IGFL2: variants seen among roughly 807,000 people sequenced by gnomAD.
The protein encoded by IGFL2 is IGF like family member 2.
Under a neutral mutation model 13.9 loss-of-function variants are expected in IGFL2, and 7 were observed. The observed-to-expected ratio is 0.51, with a 90% CI of 0.29 to 0.95. The LOEUF is 0.95. IGFL2 is among the 40% of genes least tolerant of loss of function. IGFL2 has a pLI of 0.08. For missense variants in IGFL2, 138 were observed against 147.8 expected (o/e 0.93, Z 0.34); for synonymous variants, 55 against 55.8 (o/e 0.99, Z 0.07).
At chr19:46,180,873 A>G in the IGFL2 span, among the ~76,000 whole-genome samples, 1 of 152,176 alleles carries the variant, frequency 6.6e-6, no homozygotes, top group East Asian at 1.9e-4. Flanking sequence ...CGACTCAGCA[A>G]GTTGACTCAT....
chr19:46,151,994 A>C lies in IGFL2; in HGVS notation c.19+3697A>C, dbSNP rs183896623. ...CACCTGAACAATATTAAGTCTTCCA[A>C]TTTGCGAACATGGATGTATTTCCAT... On this transcript the variant is annotated intron_variant, in intron 1 of 3. Transcript: ENST00000377693. 1.2e-4 allele frequency among the ~76,000 whole-genome samples: 19 copies of C among 152,306 alleles called. No individual in the cohort carries two copies. The East Asian group carries it at 3.7e-3, about 29-fold the overall frequency.
At chr19:46,142,468 T>A (rs977521253), upstream of IGFL2, among the ~76,000 whole-genome samples, 2 of 152,172 alleles carry the variant, frequency 1.3e-5, no homozygotes, top group African/African-American at 4.8e-5. Context: ...CTGGTGAGTA[T>A]GGGTATCTGA....
chr19:46,108,295 A>G, the IGFL2 span, among the ~76,000 whole-genome samples: 2 of 152,188 alleles, frequency 1.3e-5, no homozygotes, highest in Non-Finnish European at 2.9e-5. Context: ...ACCGAGGTGT[A>G]AAAGAATGCC....
At chr19:46,083,650 AAGG>A in the IGFL2 span, among the ~76,000 whole-genome samples, 12 of 152,192 alleles carry the variant, frequency 7.9e-5, no homozygotes, top group Non-Finnish European at 1.8e-4. Flanking sequence ...TATAGACTGA[AAGG>A]AGAGAGAGAC....
At chr19:46,148,067 T>G (rs1280151676), upstream of IGFL2, among the ~76,000 whole-genome samples, 1 of 152,196 alleles carries the variant, frequency 6.6e-6, no homozygotes, top group Non-Finnish European at 1.5e-5. Flanking sequence ...AAGGTAGCAG[T>G]CACTTGGAAC....
the IGFL2 span, among the ~76,000 whole-genome samples, chr19:46,095,029 C>T: frequency 2.0e-5 from 3 of 152,014 alleles, no homozygotes; most frequent in African/African-American, 4.8e-5. Flanking sequence ...ATTTATATTC[C>T]TTTGTGTATA....
chr19:46,124,023 G>A, the IGFL2 span: 1 of 1,611,542 alleles, frequency 6.2e-7, no homozygotes, highest in Non-Finnish European at 8.5e-7. Flanking sequence ...AGGTGCAGGT[G>A]GAGCCACAGC....
At chr19:46,149,907 G>A (rs1336572894) in intron 1 of IGFL2, among the ~76,000 whole-genome samples, 1 of 152,188 alleles carries the variant, frequency 6.6e-6, no homozygotes, top group East Asian at 1.9e-4. Flanking sequence ...GAGTGGAATT[G>A]CTACGCCACA....
At chr19:46,184,244 A>G in the IGFL2 span, among the ~76,000 whole-genome samples, 4 of 149,246 alleles carry the variant, frequency 2.7e-5, no homozygotes, top group East Asian at 4.0e-4. Flanking sequence ...CTTTCTTTCA[A>G]TGTCACTGCT....
the IGFL2 span, among the ~76,000 whole-genome samples, chr19:46,187,430 A>G: frequency 6.7e-3 from 533 of 79,382 alleles, 2 homozygotes; most frequent in Middle Eastern, 0.024. Context: ...TAAACCTGAG[A>G]TTGTGCTGCT....
chr19:46,101,564 C>G, the IGFL2 span, among the ~76,000 whole-genome samples: 5 of 152,250 alleles, frequency 3.3e-5, no homozygotes, highest in Non-Finnish European at 1.5e-5. Flanking sequence ...CATCCAATCT[C>G]CCTGGCACCA....
At chr19:46,124,417 A>C in the IGFL2 span, 4 of 1,377,264 alleles carry the variant, frequency 2.9e-6, no homozygotes, top group Non-Finnish European at 4.1e-6. Context: ...GGGTGGTTTA[A>C]AGGTGGAGAT....
chr19:46,139,271 T>A (rs1387373228), upstream of IGFL2, among the ~76,000 whole-genome samples: 1 of 150,592 alleles, frequency 6.6e-6, no homozygotes, highest in Non-Finnish European at 1.5e-5. Context: ...TGATGGTCAG[T>A]CCCTTGGTGG....
Position 46,160,449 on chromosome 19 carries a change from G to A in IGFL2, c.54G>A (p.Leu18=). The A allele has an allele frequency of 1.9e-6, 3 of 1,613,722 alleles. No individual in the cohort carries two copies. In the African/African-American group the frequency reaches 4.0e-5, roughly 22 times the overall value. The change falls in exon 2 of 4, where the codon TTG becomes TTA. Residue 18 remains leucine, a synonymous_variant. Transcript: ENST00000377693. ...PAYVSVCLLL[L]CPREVIAPAG... is the part of the protein sequence containing the mutation. ...ATGTGTCAGTCTGTCTCCTCCTCTT[G>A]TGTCCAAGGGAAGTCATCGGTGAGT...
chr19:46,184,911 T>A, the IGFL2 span, among the ~76,000 whole-genome samples: 40 of 152,242 alleles, frequency 2.6e-4, no homozygotes, highest in Admixed American at 8.5e-4. Context: ...CATCTTCTGT[T>A]GTTTCCTGAC....
chr19:46,159,283 A>C (rs1226677266), intron 1 of IGFL2: 1 of 152,214 alleles, frequency 6.6e-6, no homozygotes, highest in Non-Finnish European at 1.5e-5. Context: ...TGGGAAATAT[A>C]GAATTAGAAG....
intron 1 of IGFL2, among the ~76,000 whole-genome samples, chr19:46,150,032 C>A (rs1436085125): frequency 2.0e-5 from 3 of 152,266 alleles, no homozygotes; most frequent in Non-Finnish European, 2.9e-5. Context: ...GATTCTTCAA[C>A]CTTTGTTATT....
the IGFL2 span, among the ~76,000 whole-genome samples, chr19:46,117,780 A>G: frequency 2.0e-5 from 3 of 152,108 alleles, no homozygotes; most frequent in Non-Finnish European, 4.4e-5. Flanking sequence ...CGCCCGGACT[A>G]CCATCTGTTC....
At chr19:46,196,290 C>G in the IGFL2 span, 11 of 247,598 alleles carry the variant, frequency 4.4e-5, no homozygotes, top group African/African-American at 2.1e-4. Context: ...CATTCCCACC[C>G]GAGCCCATCT....
Sources: gnomAD v4.1 joint callset for allele counts (sites outside exome capture counted in the v4.1 genomes callset) on GRCh38, gnomAD v4.1.1 for gene constraint, MANE v1.5 for transcripts, NCBI Gene and HGNC (gene_info 2026-07-23, HGNC 2026-07-21) for gene names.